Variants in GPATCH1 observed in about 807,000 individuals in gnomAD.
GPATCH1 encodes G-patch domain containing 1.
A neutral mutation model predicts 114.9 loss-of-function variants in GPATCH1; 73 were observed. The ratio of observed to expected loss-of-function variants is 0.64; its 90% CI spans 0.53 to 0.77. GPATCH1 has a LOEUF of 0.77. Among genes scored for constraint, GPATCH1 ranks in the 30% least tolerant of loss-of-function variants. GPATCH1 has a pLI of 0.00. For synonymous variants in GPATCH1, 391 were observed against 428.4 expected, an observed-to-expected ratio of 0.91 and a Z score of 1.08; for missense variants, 1,058 against 1,144.3, an observed-to-expected ratio of 0.92 and a Z score of 1.09.
At chr19:33,087,250 A>AT (rs562770778) in intron 1 of GPATCH1, among the ~76,000 whole-genome samples, 1,829 of 152,012 alleles carry the variant, frequency 0.012, 21 homozygotes, top group Middle Eastern at 0.02. Flanking sequence ...AAATAACTTG[A>AT]TTTTTTTTAT....
Position 33,093,117 on chromosome 19 carries a change from G to GGC in GPATCH1, c.295-240_295-239dup, listed in dbSNP as rs201647299. On this transcript the variant is annotated intron_variant, in intron 3 of 19. Transcript: ENST00000170564. The stretch of plus-strand genomic sequence containing the variant: ...GCAGGAGAATCACTTGAACCCGGGA[G>GGC]GCGGAGGTTGCAGTGAGCCCAGATT... Among the ~76,000 whole-genome samples, 619 of 152,294 alleles carry GGC rather than the reference G, an allele frequency of 4.1e-3. 5 individuals are homozygous for GGC. Among genetic ancestry groups the GGC allele is most frequent in the African/African-American group, 0.014 (584 of 41,574 alleles).
At chr19:33,088,553 G>C (rs978210623) in intron 2 of GPATCH1, among the ~76,000 whole-genome samples, 6 of 151,262 alleles carry the variant, frequency 4.0e-5, no homozygotes, top group Non-Finnish European at 7.4e-5. Context: ...GTTTCACCAT[G>C]TTGGCCAGGC....
intron 13 of GPATCH1, chr19:33,113,366 T>C: frequency 6.1e-6 from 1 of 164,776 alleles, no homozygotes; most frequent in South Asian, 1.6e-4. Flanking sequence ...TGCTTGAACC[T>C]GGGAGGCGGA....
At chr19:33,083,731 G>A (rs1229110604) in intron 1 of GPATCH1, among the ~76,000 whole-genome samples, 2 of 152,040 alleles carry the variant, frequency 1.3e-5, no homozygotes, top group African/African-American at 4.8e-5. Context: ...AAAGGACATG[G>A]ATTTGTAGAC....
At position 33,109,576 on chromosome 19, in the gene GPATCH1, A is replaced by G. The variant is rs1321602698; in HGVS notation, c.1286-141A>G. 4 of 562,556 alleles carry G rather than the reference A, an allele frequency of 7.1e-6. No homozygotes were observed. In the East Asian group the frequency reaches 1.2e-4, roughly 17 times the overall value. 34.8% of individuals were successfully genotyped at this position (562,556 alleles called of 1,614,324 possible). A position where few individuals can be genotyped will look rare whatever the true frequency, so the allele number is the denominator to read the frequency against. Reference sequence around the variant, plus strand: ...ATCACTGTCTAGTCCACAGGGACATATTAATATAAATGAAACACTAAACAT... The same window carrying G: ...ATCACTGTCTAGTCCACAGGGACATGTTAATATAAATGAAACACTAAACAT... On this transcript the variant is annotated intron_variant, in intron 10 of 19. Coordinates refer to ENST00000170564, the MANE Select transcript of GPATCH1 (RefSeq NM_018025.3).
intron 8 of GPATCH1, among the ~76,000 whole-genome samples, chr19:33,099,481 C>T (rs1006154790): frequency 2.6e-5 from 4 of 152,046 alleles, no homozygotes; most frequent in Admixed American, 2.6e-4. Flanking sequence ...GCCTCTCTCC[C>T]CCAGCTTCCT....
At chr19:33,102,990 T>G (rs956770827) in intron 9 of GPATCH1, among the ~76,000 whole-genome samples, 1 of 152,068 alleles carries the variant, frequency 6.6e-6, no homozygotes, top group African/African-American at 2.4e-5. Flanking sequence ...TTTGTTTTTG[T>G]GAGATGCTGT....
intron 15 of GPATCH1, 93 bp from the exon 16 acceptor site, chr19:33,117,732 A>T: frequency 1.2e-6 from 1 of 865,246 alleles, no homozygotes; most frequent in Non-Finnish European, 1.9e-6. Flanking sequence ...GAGCATAAAC[A>T]TAAATATGTG....
At chr19:33,108,679 G>A (rs544012505) in intron 10 of GPATCH1, among the ~76,000 whole-genome samples, 1 of 151,974 alleles carries the variant, frequency 6.6e-6, no homozygotes, top group Non-Finnish European at 1.5e-5. Flanking sequence ...GAGGGCCAGC[G>A]TATTGCTCCT....
In GPATCH1 at chr19:33,109,705, G is replaced by C. The variant is rs777928831; in HGVS notation, c.1286-12G>C. On this transcript the variant is annotated splice_polypyrimidine_tract_variant and intron_variant, in intron 10 of 19. Coordinates refer to ENST00000170564, the MANE Select transcript of GPATCH1 (RefSeq NM_018025.3). ...GCTCTTTTCATCTCTTCTAATTACT[G>C]TTTTTATTTAGGTTCAGCTACTTCA... is the stretch of plus-strand genomic sequence containing the variant. 6.6e-7 allele frequency: 1 copy of C among 1,524,390 alleles called. No individual in the cohort carries two copies. The highest frequency in any genetic ancestry group is 2.1e-5 in the Admixed American group (1 of 47,424). 94.4% of individuals were successfully genotyped at this position (1,524,390 alleles called of 1,614,324 possible). A position where few individuals can be genotyped will look rare whatever the true frequency, so the allele number is the denominator to read the frequency against.
At chr19:33,108,510 C>G (rs1972812975) in intron 10 of GPATCH1, among the ~76,000 whole-genome samples, 1 of 146,400 alleles carries the variant, frequency 6.8e-6, no homozygotes, top group Non-Finnish European at 1.5e-5. Flanking sequence ...GAATCTGGCT[C>G]TTTTTTTTTT....
At chr19:33,107,944 G>A (rs1047602105) in intron 10 of GPATCH1, among the ~76,000 whole-genome samples, 3 of 151,794 alleles carry the variant, frequency 2.0e-5, no homozygotes, top group Non-Finnish European at 4.4e-5. Flanking sequence ...TTCGTGTGCT[G>A]CACCTATTAA....
intron 5 of GPATCH1, 45 bp downstream of exon 5, chr19:33,094,314 T>A (rs1476708433): frequency 2.2e-5 from 2 of 91,846 alleles, no homozygotes; most frequent in Non-Finnish European, 3.1e-5. Flanking sequence ...TGCAGCGTAC[T>A]TTTTTTTTTT....
rs373456177 is a variant in GPATCH1 at position 33,094,301 on chromosome 19, T to A, written c.553+32T>A. ...ATGTTAATTGATTAACTGTTATCAC[T>A]GCTGCAGCGTACTTTTTTTTTTTTT... On this transcript the variant is annotated intron_variant, in intron 5 of 19. Transcript: ENST00000170564. The A allele has an allele frequency of 4.2e-4, 468 of 1,125,170 alleles. 1 individual carries two copies. The highest frequency in any genetic ancestry group is 5.9e-4 in the Non-Finnish European group (449 of 756,420). 69.7% of individuals were successfully genotyped at this position (1,125,170 alleles called of 1,614,324 possible).
chr19:33,088,658 C>CTTTT (rs10658695), intron 2 of GPATCH1, among the ~76,000 whole-genome samples: 4 of 96,210 alleles, frequency 4.2e-5, no homozygotes, highest in East Asian at 3.0e-4. Flanking sequence ...GCCACCTTTG[C>CTTTT]TTTTTTTTTT....
chr19:33,085,053 C>T (rs912554677), intron 1 of GPATCH1, among the ~76,000 whole-genome samples: 2 of 152,174 alleles, frequency 1.3e-5, no homozygotes, highest in African/African-American at 2.4e-5. Context: ...TTATTCCTAA[C>T]GGTGGCTGAT....
rs1461240451 is a variant in GPATCH1 at position 33,081,872 on chromosome 19, G to T, written c.73+606G>T. Among the ~76,000 whole-genome samples, 33 of 147,870 alleles carry T rather than the reference G, an allele frequency of 2.2e-4. 3 individuals are homozygous for T. The Admixed American group carries it at 2.3e-3, about 10-fold the overall frequency. ...GGGTCATGGGAAATTACACAGGGAG[G>T]GATATATATATGATTTTTAGAGACA... On this transcript the variant is annotated intron_variant, in intron 1 of 19. Transcript: ENST00000170564.
At chr19:33,112,042 T>G (rs1972861582) in intron 12 of GPATCH1, 140 bp downstream of exon 12, 1 of 618,170 alleles carries the variant, frequency 1.6e-6, no homozygotes, top group African/African-American at 1.9e-5. Flanking sequence ...CTCGGCTCAC[T>G]GCAGCCTCCG....
At chr19:33,097,597 G>T (rs1375367084) in intron 7 of GPATCH1, among the ~76,000 whole-genome samples, 158 bp from the exon 8 acceptor site, 1 of 152,136 alleles carries the variant, frequency 6.6e-6, no homozygotes. Flanking sequence ...GAAAACTTGT[G>T]TGTGTGTTGG....
Sources: allele counts gnomAD v4.1 joint callset (sites outside exome capture counted in the v4.1 genomes callset), GRCh38; gene constraint gnomAD v4.1.1; transcripts MANE v1.5; gene names NCBI Gene and HGNC (gene_info 2026-07-23, HGNC 2026-07-21).